The following PLEKHA5 variants were observed in gnomAD, a reference collection of about 807,000 sequenced individuals.
The protein encoded by PLEKHA5 is pleckstrin homology domain-containing family A member 5.
PLEKHA5 carries 55 observed loss-of-function variants against 181.9 expected under a neutral mutation model. The observed-to-expected ratio is 0.30, with a 90% confidence interval of 0.24 to 0.38. The LOEUF (loss-of-function observed/expected upper bound fraction) is 0.38. Ranked by LOEUF, PLEKHA5 falls within the 10% of genes least tolerant of loss-of-function variation. PLEKHA5 has a pLI of 1.00. For missense variants in PLEKHA5, 1,432 were observed against 1,549.5 expected (o/e 0.92, Z 1.27); for synonymous variants, 535 against 529.4 (o/e 1.01, Z -0.15).
intron 3 of PLEKHA5, among the ~76,000 whole-genome samples, chr12:19,214,860 A>C (rs1025641980): frequency 7.0e-6 from 1 of 142,442 alleles, no homozygotes; most frequent in African/African-American, 2.6e-5. Flanking sequence ...TTCATTTGAA[A>C]GCAGCATATT....
chr12:19,339,587 A>G (rs558627208), intron 21 of PLEKHA5, among the ~76,000 whole-genome samples: 1 of 152,296 alleles, frequency 6.6e-6, no homozygotes, highest in African/African-American at 2.4e-5. Flanking sequence ...TGTAAATGCA[A>G]TTTTATTCCA....
At chr12:19,195,090 G>A (rs531015032) in intron 3 of PLEKHA5, among the ~76,000 whole-genome samples, 8 of 152,104 alleles carry the variant, frequency 5.3e-5, no homozygotes, top group African/African-American at 1.9e-4. Flanking sequence ...TAGTCTTACC[G>A]TAGTAAGACT....
intron 3 of PLEKHA5, among the ~76,000 whole-genome samples, chr12:19,165,103 C>G (rs1485142567): frequency 6.6e-6 from 1 of 152,140 alleles, no homozygotes; most frequent in African/African-American, 2.4e-5. Context: ...CTCTGGGACA[C>G]TCACCCACTC....
chr12:19,374,873 G>T (rs2095676080), intron 31 of PLEKHA5, among the ~76,000 whole-genome samples: 1 of 149,970 alleles, frequency 6.7e-6, no homozygotes, highest in Non-Finnish European at 1.5e-5. Context: ...GAGAATTGTT[G>T]GAACCCAGGA....
intron 15 of PLEKHA5, among the ~76,000 whole-genome samples, chr12:19,301,964 G>A (rs2081592366): frequency 6.6e-6 from 1 of 152,074 alleles, no homozygotes; most frequent in Non-Finnish European, 1.5e-5. Context: ...TTATCTAAAT[G>A]ACCTATTTAT....
intron 6 of PLEKHA5, among the ~76,000 whole-genome samples, chr12:19,258,567 T>C (rs1592231769): frequency 6.8e-6 from 1 of 146,322 alleles, no homozygotes; most frequent in African/African-American, 2.5e-5. Context: ...TTTTCTTTTT[T>C]TTTTTTTTTG....
At position 19,130,191 on chromosome 12, in the gene PLEKHA5, C is replaced by T. The variant is rs940946038; in HGVS notation, c.169+61C>T. 2.5e-5 allele frequency: 28 copies of T among 1,136,590 alleles called. No individual in the cohort carries two copies. The highest frequency in any genetic ancestry group is 3.2e-5 in the East Asian group (1 of 31,008). 70.4% of individuals were successfully genotyped at this position (1,136,590 alleles called of 1,614,324 possible). A position where few individuals can be genotyped will look rare whatever the true frequency, so the allele number is the denominator to read the frequency against. ...GGAGGAGGCGGCAGAGCCCGGGCCG[C>T]CCGGCTCCCCGCAACCTGCCCCGCG... On this transcript the variant is annotated intron_variant, in intron 2 of 31. Coordinates refer to ENST00000429027, the MANE Select transcript of PLEKHA5 (RefSeq NM_001256470.2). The surrounding 1 kb of genome is among the most constrained non-coding windows in gnomAD (Gnocchi z 4.5).
intron 11 of PLEKHA5, among the ~76,000 whole-genome samples, chr12:19,276,536 C>T (rs2074566894): frequency 6.6e-6 from 1 of 152,156 alleles, no homozygotes; most frequent in Non-Finnish European, 1.5e-5. Flanking sequence ...ACTAAAAATA[C>T]AAAGATTAGC....
In PLEKHA5 at chr12:19,290,721, A is replaced by G. The variant is rs769998019; in HGVS notation, c.1908A>G (p.Gln636=). ...TLLLIKLRRQ[Q]AELSSIREHT... ...TGCTAATAAAGCTGAGACGGCAGCAAGCCGAACTGAGTAGTATCCGGGAGC... is the reference window on the plus strand; with the variant it reads ...TGCTAATAAAGCTGAGACGGCAGCAGGCCGAACTGAGTAGTATCCGGGAGC... Residue 636 remains glutamine (Q), a synonymous_variant, in exon 14 of 32, where the codon CAA becomes CAG. Coordinates refer to ENST00000429027, the MANE Select transcript of PLEKHA5 (RefSeq NM_001256470.2). The G allele has an allele frequency of 1.2e-5, 18 of 1,535,432 alleles. No individual in the cohort carries two copies. In the African/African-American group the frequency reaches 2.5e-4, roughly 21 times the overall value.
intron 29 of PLEKHA5, among the ~76,000 whole-genome samples, chr12:19,364,290 T>C (rs2095354390): frequency 6.6e-6 from 1 of 151,948 alleles, no homozygotes; most frequent in African/African-American, 2.4e-5. Context: ...GGCAGATCAA[T>C]TGAGGTCAGG....
At chr12:19,132,639 T>C (rs2034272588) in intron 3 of PLEKHA5, among the ~76,000 whole-genome samples, 189 bp downstream of exon 3, 1 of 152,172 alleles carries the variant, frequency 6.6e-6, no homozygotes, top group Non-Finnish European at 1.5e-5. Flanking sequence ...TTTTCTAATG[T>C]TATTTGCCTG....
intron 3 of PLEKHA5, among the ~76,000 whole-genome samples, chr12:19,157,036 A>G (rs1453735541): frequency 6.6e-6 from 1 of 151,370 alleles, no homozygotes; most frequent in Non-Finnish European, 1.5e-5. Context: ...TAGCCTGGTG[A>G]CAGAGTGAGA....
At chr12:19,137,789 A>G (rs190841538) in intron 3 of PLEKHA5, among the ~76,000 whole-genome samples, 7 of 152,278 alleles carry the variant, frequency 4.6e-5, no homozygotes, top group East Asian at 1.9e-4. Flanking sequence ...GGTTTGCTCA[A>G]TATCCTCCTT....
At chr12:19,287,190 G>A (rs1158182823) in intron 12 of PLEKHA5, among the ~76,000 whole-genome samples, 3 of 151,978 alleles carry the variant, frequency 2.0e-5, no homozygotes, top group African/African-American at 7.2e-5. Flanking sequence ...GTAGAGAAAG[G>A]ACAGGGTTTC....
chr12:19,217,107 C>T (rs1305702934), intron 3 of PLEKHA5, among the ~76,000 whole-genome samples: 3 of 152,216 alleles, frequency 2.0e-5, no homozygotes, highest in African/African-American at 7.2e-5. Context: ...GATTCATCCC[C>T]ATGTTGTAAT....
chr12:19,326,935 A>G (rs1405472372), intron 20 of PLEKHA5, among the ~76,000 whole-genome samples: 1 of 152,212 alleles, frequency 6.6e-6, no homozygotes, highest in Non-Finnish European at 1.5e-5. Context: ...CGTGGTATAT[A>G]TGTACCACAT....
intron 13 of PLEKHA5, among the ~76,000 whole-genome samples, chr12:19,288,762 A>G (rs1315994061): frequency 2.0e-5 from 3 of 152,246 alleles, no homozygotes; most frequent in Non-Finnish European, 4.4e-5. Flanking sequence ...ACAAATAGTC[A>G]TTAATCATAG....
chr12:19,346,013 T>A (rs1242008435), intron 23 of PLEKHA5, 125 bp downstream of exon 23: 2 of 452,746 alleles, frequency 4.4e-6, no homozygotes, highest in African/African-American at 4.1e-5. Flanking sequence ...AGATATTGTT[T>A]TAGTCTTGAA....
intron 3 of PLEKHA5, among the ~76,000 whole-genome samples, chr12:19,220,368 G>A (rs989472540): frequency 6.6e-6 from 1 of 151,986 alleles, no homozygotes; most frequent in Non-Finnish European, 1.5e-5. Context: ...TCAGTTAACT[G>A]ACGTCATCTA....
Sources: allele counts gnomAD v4.1 joint callset (sites outside exome capture counted in the v4.1 genomes callset), GRCh38; gene constraint gnomAD v4.1.1; non-coding constraint Gnocchi (gnomAD v3.1); transcripts MANE v1.5; gene names NCBI Gene and HGNC (gene_info 2026-07-23, HGNC 2026-07-21).